The following HNRNPR variants were observed in gnomAD, a reference collection of about 807,000 sequenced individuals.
HNRNPR encodes heterogeneous nuclear ribonucleoprotein R.
A neutral mutation model predicts 70.3 loss-of-function variants in HNRNPR; 4 were observed. That is an observed-to-expected ratio of 0.06 (90% confidence interval 0.03 to 0.13). HNRNPR has a LOEUF of 0.13. Among genes scored for constraint, HNRNPR ranks in the 10% least tolerant of loss-of-function variants. The probability of loss-of-function intolerance (pLI) is 1.00; values close to 1 mark genes in which losing one functional copy is unlikely to be tolerated. For missense variants in HNRNPR, 423 were observed against 788.5 expected (o/e 0.54, Z 5.55); for synonymous variants, 241 against 267.6 (o/e 0.90, Z 0.97).
intron 1 of HNRNPR, among the ~76,000 whole-genome samples, chr1:23,342,766 G>C (rs1279397923): frequency 1.3e-5 from 2 of 152,180 alleles, no homozygotes; most frequent in African/African-American, 2.4e-5. Context: ...TCACAGAAAA[G>C]AGGCAAATTT....
chr1:23,320,483 G>A (rs1020843528), intron 7 of HNRNPR, among the ~76,000 whole-genome samples: 2 of 152,198 alleles, frequency 1.3e-5, no homozygotes, highest in Non-Finnish European at 2.9e-5. Flanking sequence ...GATGTTAAAG[G>A]TATTAGAAAG....
chr1:23,305,677 G>A lies in HNRNPR; in HGVS notation c.*4777C>T, dbSNP rs757720264. The A allele has an allele frequency of 4.6e-5, 7 of 152,008 alleles. No homozygotes were observed. The highest frequency in any genetic ancestry group is 8.8e-5 in the Non-Finnish European group (6 of 67,986). 9.4% of individuals were successfully genotyped at this position (152,008 alleles called of 1,614,324 possible). On this transcript the variant is annotated 3_prime_UTR_variant, in exon 11 of 11. Transcript: ENST00000302271. ...TGGAATCCCCTACAAACTATAAGAT[G>A]AGGGATTTTAATCTTTAGCAATAAT...
chr1:23,328,473 C>T (rs1646086045), intron 5 of HNRNPR, among the ~76,000 whole-genome samples: 1 of 152,040 alleles, frequency 6.6e-6, no homozygotes, highest in Non-Finnish European at 1.5e-5. Flanking sequence ...TTTTAGTTAC[C>T]TTGAGCAAGT....
At chr1:23,323,516 A>G in intron 6 of HNRNPR, 40 bp downstream of exon 6, 1 of 1,531,220 alleles carries the variant, frequency 6.5e-7, no homozygotes, top group Non-Finnish European at 8.9e-7. Context: ...TTATTTCCTC[A>G]AATAGTGACT....
At chr1:23,343,394 A>C (rs1263883549) in intron 1 of HNRNPR, among the ~76,000 whole-genome samples, 1 of 152,198 alleles carries the variant, frequency 6.6e-6, no homozygotes, top group Non-Finnish European at 1.5e-5. Context: ...CGACTGACTC[A>C]TGAGACATCA....
At chr1:23,342,536 C>A (rs1454088726) in intron 1 of HNRNPR, among the ~76,000 whole-genome samples, 3 of 152,146 alleles carry the variant, frequency 2.0e-5, no homozygotes, top group Non-Finnish European at 4.4e-5. Flanking sequence ...AAATGTCACA[C>A]TTTTGATCAA....
At chr1:23,329,171 C>T (rs1646119035) in intron 5 of HNRNPR, among the ~76,000 whole-genome samples, 1 of 151,972 alleles carries the variant, frequency 6.6e-6, no homozygotes, top group Non-Finnish European at 1.5e-5. Context: ...CCAATAAAGT[C>T]CCCAATACTA....
At chr1:23,335,238 T>C (rs1570094852) in intron 4 of HNRNPR, among the ~76,000 whole-genome samples, 1 of 152,322 alleles carries the variant, frequency 6.6e-6, no homozygotes, top group East Asian at 1.9e-4. Context: ...AATTACACAA[T>C]GTCAGAACAA....
rs549618999 is a variant in HNRNPR, at chr1:23,307,722, G to A, written c.*2732C>T. 2 of 151,830 alleles carry A rather than the reference G, an allele frequency of 1.3e-5. No homozygotes were observed. The highest frequency in any genetic ancestry group is 2.9e-5 in the Non-Finnish European group (2 of 67,874). 9.4% of individuals were successfully genotyped at this position (151,830 alleles called of 1,614,324 possible). A position where few individuals can be genotyped will look rare whatever the true frequency, so the allele number is the denominator to read the frequency against. ...AAAATTAGTATTCCATTATGGGGAG[G>A]GGCATATTTGTATCGGTCTCACCAG... On this transcript the variant is annotated 3_prime_UTR_variant, in exon 11 of 11. Transcript: ENST00000302271.
chr1:23,324,406 A>C (rs988232883), intron 5 of HNRNPR, among the ~76,000 whole-genome samples: 63 of 152,120 alleles, frequency 4.1e-4, no homozygotes, highest in African/African-American at 1.5e-3. Context: ...GTCTCCACTA[A>C]AAATACAAAA....
At chr1:23,343,042 T>C (rs541705384) in intron 1 of HNRNPR, among the ~76,000 whole-genome samples, 7 of 152,306 alleles carry the variant, frequency 4.6e-5, no homozygotes, top group East Asian at 1.9e-4. Context: ...AAATACAAAA[T>C]GCTCATTTTG....
intron 4 of HNRNPR, among the ~76,000 whole-genome samples, chr1:23,334,827 A>G (rs549374139): frequency 3.4e-4 from 52 of 152,364 alleles, no homozygotes; most frequent in African/African-American, 8.9e-4. Context: ...AATTGAGGCA[A>G]CATCTATATA....
In HNRNPR at chr1:23,308,370, T is replaced by C. The variant is rs1053752588; in HGVS notation, c.*2084A>G. The C allele has an allele frequency of 6.6e-6, 1 of 152,042 alleles. No individual in the cohort carries two copies. The highest frequency in any genetic ancestry group is 6.6e-5 in the Admixed American group (1 of 15,264). 9.4% of individuals were successfully genotyped at this position (152,042 alleles called of 1,614,324 possible). Reference sequence around the variant, plus strand: ...AACTTTGTAGCTTGTAACACCTAATTAAGAAATACAAACAACTCAAATTTT... The same window carrying C: ...AACTTTGTAGCTTGTAACACCTAATCAAGAAATACAAACAACTCAAATTTT... On this transcript the variant is annotated 3_prime_UTR_variant, in exon 11 of 11. Coordinates refer to ENST00000302271, the MANE Select transcript of HNRNPR (RefSeq NM_005826.5).
chr1:23,339,378 T>C (rs773461520), intron 2 of HNRNPR, among the ~76,000 whole-genome samples: 1 of 152,256 alleles, frequency 6.6e-6, no homozygotes, highest in African/African-American at 2.4e-5. Flanking sequence ...AAAGACTTTA[T>C]GGTCTTACAA....
rs905518113 is a variant in HNRNPR, at chr1:23,318,054, C to CT, written c.1017+428dup. On this transcript the variant is annotated intron_variant, in intron 8 of 10. Coordinates refer to ENST00000302271, the MANE Select transcript of HNRNPR (RefSeq NM_005826.5). The surrounding 1 kb of genome is among the most constrained non-coding windows in gnomAD (Gnocchi z 4.2). ...AAAAGCTTAAAAAAAGAAAAATTAGCTATAAATCTAAATAAAACATAATTC... is the reference window on the plus strand; with the variant it reads ...AAAAGCTTAAAAAAAGAAAAATTAGCTTATAAATCTAAATAAAACATAATTC... Among the ~76,000 whole-genome samples, 7 of 150,544 alleles carry CT rather than the reference C, an allele frequency of 4.6e-5. No individual in the cohort carries two copies. The highest frequency in any genetic ancestry group is 1.7e-4 in the African/African-American group (7 of 41,088).
In HNRNPR at chr1:23,321,630, G is replaced by C; in HGVS notation, c.709C>G (p.Leu237Val). The change falls in exon 7 of 11, where the codon CTT (leucine) becomes GTT (valine). Residue 237 changes from leucine to valine, a missense_variant. Around this residue, in one of 7 missense-constraint regions of HNRNPR, gnomAD observed 118 missense variants for 239.3 expected, o/e 0.49. Coordinates refer to ENST00000302271, the MANE Select transcript of HNRNPR (RefSeq NM_005826.5). ...DSYEIRPGKH[L>V]GVCISVANNR... ...TTTGCCACAGAAATGCACACTCCAA[G>C]GTGTTTACCAGGGCGAATTTCATAG... 1 of 1,611,320 alleles carries C rather than the reference G, an allele frequency of 6.2e-7. No homozygotes were observed. Among genetic ancestry groups the C allele is most frequent in the Non-Finnish European group, 8.5e-7 (1 of 1,178,400 alleles).
At chr1:23,340,723 G>GA in intron 2 of HNRNPR, 129 bp downstream of exon 2, 1 of 742,240 alleles carries the variant, frequency 1.3e-6, no homozygotes, top group African/African-American at 1.8e-5. Context: ...TCAATGAAGG[G>GA]AAAGTAACAA....
chr1:23,327,244 T>C (rs1646024795), intron 5 of HNRNPR, among the ~76,000 whole-genome samples: 2 of 152,166 alleles, frequency 1.3e-5, no homozygotes, highest in African/African-American at 4.8e-5. Context: ...TCAGAACTTG[T>C]ATAATACAAA....
chr1:23,316,256 GAC>G (rs1178140358), intron 8 of HNRNPR, among the ~76,000 whole-genome samples: 1 of 152,126 alleles, frequency 6.6e-6, no homozygotes, highest in Non-Finnish European at 1.5e-5. Context: ...AGTGTGCTAT[GAC>G]TGCACATGTG....
Sources: gnomAD v4.1 joint callset for allele counts (sites outside exome capture counted in the v4.1 genomes callset) on GRCh38, gnomAD v4.1.1 for gene constraint, gnomAD v4.1.1 regional missense constraint, Gnocchi (gnomAD v3.1) non-coding constraint, MANE v1.5 for transcripts, NCBI Gene and HGNC (gene_info 2026-07-23, HGNC 2026-07-21) for gene names.